The following PDE4B variants were observed in gnomAD, a reference collection of about 807,000 sequenced individuals.
PDE4B encodes the protein 3',5'-cyclic-AMP phosphodiesterase 4B.
PDE4B carries 20 observed loss-of-function variants against 82.2 expected under a neutral mutation model. The observed-to-expected ratio is 0.24, with a 90% CI of 0.17 to 0.35. PDE4B has a LOEUF of 0.35. Ranked by LOEUF, PDE4B falls within the 10% of genes least tolerant of loss-of-function variation. PDE4B has a pLI of 1.00. For missense variants in PDE4B, 655 were observed against 907.2 expected (o/e 0.72, Z 3.57); for synonymous variants, 320 against 318.9 (o/e 1.00, Z -0.04).
intron 4 of PDE4B, among the ~76,000 whole-genome samples, chr1:66,248,731 A>C (rs1653518887): frequency 6.6e-6 from 1 of 152,324 alleles, no homozygotes; most frequent in African/African-American, 2.4e-5. Flanking sequence ...TCTCATTCTC[A>C]AAAAATGTGC....
intron 3 of PDE4B, among the ~76,000 whole-genome samples, chr1:66,228,177 G>A (rs552721948): frequency 6.6e-6 from 1 of 152,154 alleles, no homozygotes; most frequent in African/African-American, 2.4e-5. Flanking sequence ...CTGACCACCT[G>A]TTCAAAATTA....
At chr1:66,079,176 C>CTG (rs1011755605) in intron 3 of PDE4B, among the ~76,000 whole-genome samples, 2 of 144,032 alleles carry the variant, frequency 1.4e-5, no homozygotes, top group African/African-American at 2.7e-5. Context: ...TTCTCTCTCT[C>CTG]TCTCTCTCTC....
chr1:66,337,721 G>A (rs956655651), intron 8 of PDE4B, among the ~76,000 whole-genome samples: 5 of 152,228 alleles, frequency 3.3e-5, no homozygotes, highest in African/African-American at 7.2e-5. Flanking sequence ...CTTACAGTGT[G>A]TGGCCCCACA....
At chr1:66,356,643 C>G (rs1272850175) in intron 9 of PDE4B, among the ~76,000 whole-genome samples, 1 of 152,186 alleles carries the variant, frequency 6.6e-6, no homozygotes, top group Non-Finnish European at 1.5e-5. Context: ...AAACAAATAC[C>G]TTTTCTGGTT....
chr1:66,332,012 T>C, intron 7 of PDE4B: 8 of 1,040,838 alleles, frequency 7.7e-6, no homozygotes, highest in Non-Finnish European at 9.3e-6. Flanking sequence ...TCAACCAGTT[T>C]TCACCCGAAT....
At chr1:65,818,685 C>CACACATATATATATATATATATATAT (rs141035147) in intron 1 of PDE4B, among the ~76,000 whole-genome samples, 2 of 143,774 alleles carry the variant, frequency 1.4e-5, no homozygotes, top group African/African-American at 5.1e-5. Context: ...CACACACACA[C>CACACATATATATATATATATATATAT]ATATATATAT....
rs762250316 is a variant in PDE4B at position 66,361,682 on chromosome 1, G to T, written c.909G>T (p.Gln303His). 3 of 1,613,604 alleles carry T rather than the reference G, an allele frequency of 1.9e-6. No homozygotes were observed. Among genetic ancestry groups the T allele is most frequent in the Non-Finnish European group, 1.7e-6 (2 of 1,179,654 alleles). The change falls in exon 10 of 17, where the codon CAG (glutamine) becomes CAT (histidine). Residue 303 changes from glutamine to histidine, a missense_variant. Gln to His is a conservative substitution (Grantham distance 24). This residue lies in a region of PDE4B where 283 missense variants were observed against 516.4 expected (regional missense o/e 0.55). Coordinates refer to ENST00000341517, the MANE Select transcript of PDE4B (RefSeq NM_002600.4). ...QKDREKKKKQ[Q>H]LMTQISGVKK... ...ACAGGGAGAAAAAGAAAAAGCAGCA[G>T]CTCATGACCCAGATAAGTGGAGTGA...
chr1:65,922,928 C>A (rs1647300708), intron 3 of PDE4B, among the ~76,000 whole-genome samples: 1 of 152,008 alleles, frequency 6.6e-6, no homozygotes, highest in Non-Finnish European at 1.5e-5. Context: ...AGGAGTATAC[C>A]AGTACTAACT....
At chr1:66,024,401 G>T (rs1653320411) in intron 3 of PDE4B, among the ~76,000 whole-genome samples, 1 of 152,066 alleles carries the variant, frequency 6.6e-6, no homozygotes, top group South Asian at 2.1e-4. Flanking sequence ...ACTAGGTTCT[G>T]TCTGAACATT....
intron 1 of PDE4B, among the ~76,000 whole-genome samples, chr1:65,848,668 T>C (rs1210071979): frequency 1.3e-5 from 2 of 152,234 alleles, no homozygotes; most frequent in East Asian, 1.9e-4. Flanking sequence ...GCCTTTCTTA[T>C]TCAACAAAAT....
chr1:65,935,764 A>G (rs1648092728), intron 3 of PDE4B, among the ~76,000 whole-genome samples: 1 of 152,136 alleles, frequency 6.6e-6, no homozygotes, highest in South Asian at 2.1e-4. Flanking sequence ...CAATATGGAG[A>G]AACCCCATCT....
intron 8 of PDE4B, among the ~76,000 whole-genome samples, chr1:66,353,276 G>C (rs759041838): frequency 6.6e-6 from 1 of 152,168 alleles, no homozygotes; most frequent in Non-Finnish European, 1.5e-5. Context: ...ACACACATAC[G>C]CAAGCAGGGT....
Position 66,343,771 on chromosome 1 carries a change from G to A in PDE4B, c.747+11151G>A, listed in dbSNP as rs190585114. On this transcript the variant is annotated intron_variant, in intron 8 of 16. Transcript: ENST00000341517. Reference sequence around the variant, plus strand: ...GATCATTTAAGAAATTTGTTGACATGGCACTTTTAATAGATTATCCTGCTT... The same window carrying A: ...GATCATTTAAGAAATTTGTTGACATAGCACTTTTAATAGATTATCCTGCTT... Among the ~76,000 whole-genome samples the A allele has an allele frequency of 2.2e-4, 33 of 152,276 alleles. No individual in the cohort carries two copies. In the East Asian group the frequency reaches 6.4e-3, roughly 29 times the overall value.
chr1:66,019,679 T>G (rs1047877471), intron 3 of PDE4B, among the ~76,000 whole-genome samples: 2 of 152,146 alleles, frequency 1.3e-5, no homozygotes, highest in African/African-American at 4.8e-5. Flanking sequence ...ATAGCTCACA[T>G]TCTTTGCCCA....
intron 1 of PDE4B, among the ~76,000 whole-genome samples, chr1:65,815,678 G>A (rs1236725754): frequency 6.6e-6 from 1 of 152,126 alleles, no homozygotes; most frequent in East Asian, 1.9e-4. Context: ...AATAAAATTT[G>A]TCCTGAAGCT....
intron 8 of PDE4B, among the ~76,000 whole-genome samples, chr1:66,341,680 T>C (rs1001153002): frequency 5.9e-5 from 9 of 152,246 alleles, no homozygotes; most frequent in African/African-American, 1.9e-4. Flanking sequence ...AACTTCTTTC[T>C]ATTTCTTTCT....
chr1:66,065,685 TAGA>T (rs1481996927), intron 3 of PDE4B, among the ~76,000 whole-genome samples: 1 of 151,866 alleles, frequency 6.6e-6, no homozygotes, highest in Non-Finnish European at 1.5e-5. Flanking sequence ...TCCTCATTTA[TAGA>T]AGAAGGAATC....
chr1:65,957,582 G>A (rs764614118), intron 3 of PDE4B, among the ~76,000 whole-genome samples: 1 of 151,986 alleles, frequency 6.6e-6, no homozygotes, highest in Non-Finnish European at 1.5e-5. Flanking sequence ...ATGAAAACCT[G>A]TTATAACTTT....
intron 1 of PDE4B, among the ~76,000 whole-genome samples, chr1:65,845,590 GC>G (rs1462169751): frequency 2.6e-5 from 4 of 152,114 alleles, no homozygotes; most frequent in Non-Finnish European, 5.9e-5. Context: ...GGAAATGTGG[GC>G]GGAATGAAGG....
Sources: allele counts gnomAD v4.1 joint callset (sites outside exome capture counted in the v4.1 genomes callset), GRCh38; gene constraint gnomAD v4.1.1; regional missense constraint gnomAD v4.1.1; transcripts MANE v1.5; gene names NCBI Gene and HGNC (gene_info 2026-07-23, HGNC 2026-07-21).